The following HACD2 variants were observed in gnomAD, a reference collection of about 807,000 sequenced individuals.
The protein encoded by HACD2 is 3-hydroxyacyl-CoA dehydratase 2, also known as very-long-chain (3R)-3-hydroxyacyl-CoA dehydratase 2.
Under a neutral mutation model 31.0 loss-of-function variants are expected in HACD2, and 15 were observed. That is an observed-to-expected ratio of 0.48 (90% CI 0.32 to 0.75). HACD2 has a LOEUF of 0.75. HACD2 is among the 30% of genes least tolerant of loss of function. HACD2 has a pLI of 0.03. For missense variants in HACD2, 283 were observed against 313.0 expected, an observed-to-expected ratio of 0.90 and a Z score of 0.72; for synonymous variants, 115 against 122.2, an observed-to-expected ratio of 0.94 and a Z score of 0.39.
intron 3 of HACD2, among the ~76,000 whole-genome samples, chr3:123,565,860 A>T (rs1459011736): frequency 2.6e-5 from 4 of 152,218 alleles, no homozygotes; most frequent in Non-Finnish European, 5.9e-5. Flanking sequence ...TTTCAAAATT[A>T]AAAAGGACTA....
chr3:123,536,896 G>A lies in HACD2; in HGVS notation c.293-8422C>T, dbSNP rs61188318. Among the ~76,000 whole-genome samples the A allele has an allele frequency of 0.024, 3,602 of 152,260 alleles. 230 individuals carry two copies. The East Asian group carries it at 0.25, about 11-fold the overall frequency. On this transcript the variant is annotated intron_variant, in intron 3 of 6. Transcript: ENST00000383657. ...GCAAAAGGTAGACATCACCAAATGTGAAAGAACTTCACGTATAATGCTTAT... is the reference window on the plus strand; with the variant it reads ...GCAAAAGGTAGACATCACCAAATGTAAAAGAACTTCACGTATAATGCTTAT...
intron 3 of HACD2, among the ~76,000 whole-genome samples, chr3:123,555,366 A>C (rs1336333985): frequency 6.6e-6 from 1 of 152,070 alleles, no homozygotes; most frequent in Non-Finnish European, 1.5e-5. Flanking sequence ...CACACACACA[A>C]AATCCTAGAA....
At chr3:123,544,558 A>C (rs2056532531) in intron 3 of HACD2, among the ~76,000 whole-genome samples, 1 of 152,228 alleles carries the variant, frequency 6.6e-6, no homozygotes. Context: ...TTAGAAGATA[A>C]ATCAAAATCA....
At chr3:123,571,591 A>G (rs1340428947) in intron 2 of HACD2, among the ~76,000 whole-genome samples, 1 of 152,194 alleles carries the variant, frequency 6.6e-6, no homozygotes, top group Non-Finnish European at 1.5e-5. Flanking sequence ...GGAAATGCAG[A>G]CCTCACACCT....
At chr3:123,506,024 G>A (rs942725272) in intron 4 of HACD2, among the ~76,000 whole-genome samples, 2 of 152,242 alleles carry the variant, frequency 1.3e-5, no homozygotes, top group African/African-American at 2.4e-5. Context: ...GGCTGCTGCT[G>A]TTCTTTGGAA....
chr3:123,556,158 C>T (rs1397902350), intron 3 of HACD2, among the ~76,000 whole-genome samples: 11 of 151,968 alleles, frequency 7.2e-5, no homozygotes, highest in African/African-American at 2.2e-4. Context: ...AAATTGAGGC[C>T]GGGTGAAGTG....
chr3:123,531,612 A>G (rs2056361494), intron 3 of HACD2, among the ~76,000 whole-genome samples: 1 of 152,184 alleles, frequency 6.6e-6, no homozygotes, highest in Non-Finnish European at 1.5e-5. Flanking sequence ...CACCTGGTCA[A>G]CAGTGTTTTT....
At chr3:123,543,103 A>C (rs2056513608) in intron 3 of HACD2, among the ~76,000 whole-genome samples, 2 of 152,212 alleles carry the variant, frequency 1.3e-5, no homozygotes, top group African/African-American at 4.8e-5. Context: ...AAGCAACAGG[A>C]AACACTAGCC....
chr3:123,581,726 T>A (rs531122465), intron 2 of HACD2, among the ~76,000 whole-genome samples: 4 of 152,198 alleles, frequency 2.6e-5, no homozygotes, highest in Admixed American at 6.5e-5. Context: ...TAATCTATAC[T>A]TACCCCAAGA....
At chr3:123,509,370 A>G (rs900159873) in intron 4 of HACD2, among the ~76,000 whole-genome samples, 1 of 152,052 alleles carries the variant, frequency 6.6e-6, no homozygotes, top group African/African-American at 2.4e-5. Flanking sequence ...CCTGTTTCTA[A>G]AAAACAAAAC....
intron 6 of HACD2, among the ~76,000 whole-genome samples, chr3:123,497,086 C>T (rs1008594651): frequency 6.6e-6 from 1 of 152,202 alleles, no homozygotes; most frequent in Non-Finnish European, 1.5e-5. Flanking sequence ...GGCCTATTCT[C>T]CACAGTTCAG....
intron 4 of HACD2, among the ~76,000 whole-genome samples, chr3:123,511,340 C>T (rs930827409): frequency 6.6e-6 from 1 of 152,118 alleles, no homozygotes; most frequent in African/African-American, 2.4e-5. Flanking sequence ...GGCTTGGGGT[C>T]TCACATGCAT....
chr3:123,509,115 G>T (rs2056017445), intron 4 of HACD2, among the ~76,000 whole-genome samples: 1 of 152,146 alleles, frequency 6.6e-6, no homozygotes, highest in Non-Finnish European at 1.5e-5. Context: ...TATAGACTAG[G>T]TGTTGGCAAA....
rs946374662 is a variant in HACD2 at position 123,554,627 on chromosome 3, T to C, written c.292+13135A>G. Among the ~76,000 whole-genome samples the C allele has an allele frequency of 2.6e-5, 4 of 152,232 alleles. No individual in the cohort carries two copies. The East Asian group carries it at 5.8e-4, about 22-fold the overall frequency. On this transcript the variant is annotated intron_variant, in intron 3 of 6. Coordinates refer to ENST00000383657, the MANE Select transcript of HACD2 (RefSeq NM_198402.5). Reference sequence around the variant, plus strand: ...TAACAGAGTAAGATAAACATACCTGTCATATCAAAAACTATGAACGAGCTT... The same window carrying C: ...TAACAGAGTAAGATAAACATACCTGCCATATCAAAAACTATGAACGAGCTT...
intron 4 of HACD2, among the ~76,000 whole-genome samples, chr3:123,518,601 C>A (rs945181471): frequency 2.0e-5 from 3 of 152,130 alleles, no homozygotes; most frequent in South Asian, 2.1e-4. Flanking sequence ...AAGGCAATGA[C>A]CTTGGCCAAA....
chr3:123,499,530 A>G (rs2055877317), intron 6 of HACD2: 5 of 417,844 alleles, frequency 1.2e-5, no homozygotes, highest in South Asian at 8.4e-5. Context: ...TTTTCTCACA[A>G]TGCATGAAAT....
At chr3:123,563,420 G>A (rs1291792079) in intron 3 of HACD2, among the ~76,000 whole-genome samples, 1 of 152,136 alleles carries the variant, frequency 6.6e-6, no homozygotes, top group Non-Finnish European at 1.5e-5. Context: ...CTGGAGAAGT[G>A]GGCAGGGCAC....
At chr3:123,512,156 C>T (rs1202792682) in intron 4 of HACD2, among the ~76,000 whole-genome samples, 1 of 152,180 alleles carries the variant, frequency 6.6e-6, no homozygotes, top group Non-Finnish European at 1.5e-5. Flanking sequence ...AAGATGAGCC[C>T]TGTTTATTTC....
intron 4 of HACD2, among the ~76,000 whole-genome samples, chr3:123,520,604 A>G (rs2056201454): frequency 1.3e-5 from 2 of 152,250 alleles, no homozygotes; most frequent in Admixed American, 1.3e-4. Context: ...AAATACCCAC[A>G]GCAAACATGT....
Sources: allele counts gnomAD v4.1 joint callset (sites outside exome capture counted in the v4.1 genomes callset), GRCh38; gene constraint gnomAD v4.1.1; transcripts MANE v1.5; gene names NCBI Gene and HGNC (gene_info 2026-07-23, HGNC 2026-07-21).